Variants in AKAP6 observed in about 807,000 individuals in gnomAD.
AKAP6 encodes the protein A-kinase anchoring protein 6, also known as A-kinase anchor protein 6.
A neutral mutation model predicts 188.5 loss-of-function variants in AKAP6; 58 were observed. The ratio of observed to expected loss-of-function variants is 0.31; its 90% confidence interval spans 0.25 to 0.38. The LOEUF (loss-of-function observed/expected upper bound fraction) is 0.38. AKAP6 is among the 10% of genes least tolerant of loss of function. The pLI is 1.00. For synonymous variants in AKAP6, 989 were observed against 998.6 expected (o/e 0.99, Z 0.18); for missense variants, 2,710 against 2,740.0 (o/e 0.99, Z 0.24).
At chr14:32,645,978 G>A (rs192424846) in intron 7 of AKAP6, among the ~76,000 whole-genome samples, 1 of 152,172 alleles carries the variant, frequency 6.6e-6, no homozygotes, top group Admixed American at 6.5e-5. Flanking sequence ...GGTTTCAAGG[G>A]CTACCATGAT....
chr14:32,643,457 A>G (rs1459101703), intron 7 of AKAP6, among the ~76,000 whole-genome samples: 1 of 151,792 alleles, frequency 6.6e-6, no homozygotes, highest in Non-Finnish European at 1.5e-5. Context: ...ATAGGCACCC[A>G]CCACCATGCC....
chr14:32,396,709 C>A (rs1358663935), intron 1 of AKAP6, among the ~76,000 whole-genome samples: 1 of 151,930 alleles, frequency 6.6e-6, no homozygotes, highest in South Asian at 2.1e-4. Flanking sequence ...ACTGAGCTGC[C>A]CTTGCCATCT....
At chr14:32,498,987 T>C (rs954345347) in intron 2 of AKAP6, among the ~76,000 whole-genome samples, 1 of 152,062 alleles carries the variant, frequency 6.6e-6, no homozygotes, top group Non-Finnish European at 1.5e-5. Context: ...ACCCTTCCTT[T>C]GCTTTCCATA....
intron 1 of AKAP6, among the ~76,000 whole-genome samples, chr14:32,382,262 CTCTG>C (rs149112883): frequency 0.037 from 5,658 of 152,080 alleles, 340 homozygotes; most frequent in African/African-American, 0.13. Context: ...GAGCCTACCC[CTCTG>C]TCTGAGAGTA....
In AKAP6 at chr14:32,797,203, G is replaced by A. The variant is rs147593724; in HGVS notation, c.3588+23310G>A. ...GGGAGTGTAAATTAGCTCAAATATT[G>A]TGGAAGACAGTGTGGCAATTCCTCA... On this transcript the variant is annotated intron_variant, in intron 12 of 13. Transcript: ENST00000280979. 1.6e-4 allele frequency among the ~76,000 whole-genome samples: 24 copies of A among 152,282 alleles called. No homozygotes were observed. In the East Asian group the frequency reaches 4.4e-3, roughly 28 times the overall value.
At chr14:32,459,854 T>C (rs1193521659) in intron 2 of AKAP6, among the ~76,000 whole-genome samples, 2 of 151,724 alleles carry the variant, frequency 1.3e-5, no homozygotes, top group Admixed American at 6.6e-5. Flanking sequence ...ACAGACAAAC[T>C]TGCAAGAAAT....
intron 12 of AKAP6, among the ~76,000 whole-genome samples, chr14:32,786,887 A>G (rs909563823): frequency 2.6e-5 from 4 of 152,188 alleles, no homozygotes; most frequent in Non-Finnish European, 5.9e-5. Context: ...TATTCTTTGT[A>G]CAAATATATT....
intron 9 of AKAP6, among the ~76,000 whole-genome samples, chr14:32,702,061 A>C (rs1445517046): frequency 6.6e-6 from 1 of 152,208 alleles, no homozygotes; most frequent in Non-Finnish European, 1.5e-5. Context: ...TTATTGAAGC[A>C]GTCAAGGTAA....
chr14:32,430,367 C>T (rs1412946299), intron 1 of AKAP6, among the ~76,000 whole-genome samples: 5 of 151,984 alleles, frequency 3.3e-5, no homozygotes, highest in East Asian at 1.9e-4. Flanking sequence ...GTGCTTAGTG[C>T]GTGGACTGAT....
chr14:32,665,260 C>A (rs2139591204), intron 7 of AKAP6, among the ~76,000 whole-genome samples: 1 of 152,228 alleles, frequency 6.6e-6, no homozygotes, highest in South Asian at 2.1e-4. Flanking sequence ...ACCCCCAACA[C>A]ACCAGTCGAA....
chr14:32,486,002 T>G (rs1226631585), intron 2 of AKAP6, among the ~76,000 whole-genome samples: 1 of 152,212 alleles, frequency 6.6e-6, no homozygotes, highest in Non-Finnish European at 1.5e-5. Flanking sequence ...GTATAAGGTG[T>G]AAGGAAGGGG....
At chr14:32,416,410 G>A (rs1889659270) in intron 1 of AKAP6, among the ~76,000 whole-genome samples, 1 of 152,140 alleles carries the variant, frequency 6.6e-6, no homozygotes, top group Admixed American at 6.5e-5. Flanking sequence ...AGTGTTGGGA[G>A]TTTTTGATAT....
intron 7 of AKAP6, among the ~76,000 whole-genome samples, chr14:32,659,130 A>C (rs1289130281): frequency 6.6e-6 from 1 of 152,118 alleles, no homozygotes; most frequent in Non-Finnish European, 1.5e-5. Flanking sequence ...ATATGAGTGA[A>C]CTTTTAGCAC....
In AKAP6 at chr14:32,701,987, T is replaced by C. The variant is rs72669811; in HGVS notation, c.3000+5877T>C. Among the ~76,000 whole-genome samples, 1,344 of 152,270 alleles carry C rather than the reference T, an allele frequency of 8.8e-3. 15 individuals carry two copies. Among genetic ancestry groups the C allele is most frequent in the Non-Finnish European group, 0.012 (810 of 67,998 alleles). On this transcript the variant is annotated intron_variant, in intron 9 of 13. Transcript: ENST00000280979. ...ATTAAATTCTGTTAATTAGGCCTTATATTGGAATTTCAGTGTTGAATGTTA... is the reference window on the plus strand; with the variant it reads ...ATTAAATTCTGTTAATTAGGCCTTACATTGGAATTTCAGTGTTGAATGTTA...
chr14:32,587,095 A>G (rs1885286499), intron 5 of AKAP6, among the ~76,000 whole-genome samples: 1 of 152,164 alleles, frequency 6.6e-6, no homozygotes, highest in South Asian at 2.1e-4. Context: ...ATGGCATCTT[A>G]CTGTAGTTTA....
At chr14:32,703,832 G>A (rs774185232) in intron 9 of AKAP6, among the ~76,000 whole-genome samples, 1 of 152,198 alleles carries the variant, frequency 6.6e-6, no homozygotes, top group Admixed American at 6.5e-5. Flanking sequence ...TTGGTAAAGG[G>A]TTAACAGTCT....
At chr14:32,633,844 C>G (rs1887378537) in intron 7 of AKAP6, among the ~76,000 whole-genome samples, 3 of 152,072 alleles carry the variant, frequency 2.0e-5, no homozygotes, top group Admixed American at 2.0e-4. Flanking sequence ...CCTCAGCAAA[C>G]CAGGCTGCAC....
intron 7 of AKAP6, among the ~76,000 whole-genome samples, chr14:32,617,817 A>G (rs1886645544): frequency 6.6e-6 from 1 of 152,126 alleles, no homozygotes; most frequent in Admixed American, 6.6e-5. Context: ...TAGTAGAGAC[A>G]GGGTTTCGCC....
At chr14:32,576,475 A>T (rs1206094727) in intron 4 of AKAP6, among the ~76,000 whole-genome samples, 1 of 152,150 alleles carries the variant, frequency 6.6e-6, no homozygotes, top group Non-Finnish European at 1.5e-5. Flanking sequence ...CCTAGCCAAG[A>T]ATATATCTTT....
Sources: gnomAD v4.1 joint callset for allele counts (sites outside exome capture counted in the v4.1 genomes callset) on GRCh38, gnomAD v4.1.1 for gene constraint, MANE v1.5 for transcripts, NCBI Gene and HGNC (gene_info 2026-07-23, HGNC 2026-07-21) for gene names.